CHRNE: variants seen among roughly 807,000 people sequenced by gnomAD.
CHRNE encodes the protein cholinergic receptor nicotinic epsilon subunit, also known as acetylcholine receptor subunit epsilon.
CHRNE carries 58 observed loss-of-function variants against 56.5 expected under a neutral mutation model. That is an observed-to-expected ratio of 1.03 (90% CI 0.83 to 1.28). The LOEUF (loss-of-function observed/expected upper bound fraction) is 1.28. CHRNE is among the 50% of genes most tolerant of loss of function. The probability of loss-of-function intolerance (pLI) is 0.00; values close to 1 mark genes in which losing one functional copy is unlikely to be tolerated. For synonymous variants in CHRNE, 385 were observed against 297.9 expected (o/e 1.29, Z -3.01); for missense variants, 793 against 688.9 (o/e 1.15, Z -1.69).
rs750474244 is a variant in CHRNE at position 4,902,982 on chromosome 17, TGTGTGTC to T, written c.46+29_46+35del. ...CCCAGTCCCTTCATGTCAGTATCTG[TGTGTGTC>T]CAATTGCCCCTCTAGCCCCTGTCCG... On this transcript the variant is annotated intron_variant, in intron 1 of 11. Coordinates refer to ENST00000649488, the MANE Select transcript of CHRNE (RefSeq NM_000080.4). The surrounding 1 kb of genome is among the most constrained non-coding windows in gnomAD (Gnocchi z 4.0). The T allele has an allele frequency of 5.6e-6, 9 of 1,613,566 alleles. No individual in the cohort carries two copies. Among genetic ancestry groups the T allele is most frequent in the Non-Finnish European group, 7.6e-6 (9 of 1,179,574 alleles).
rs1289012785 is a variant in CHRNE, at chr17:4,898,409, A to AGAT, written c.*324_*326dup. 3 of 423,552 alleles carry AGAT rather than the reference A, an allele frequency of 7.1e-6. No homozygotes were observed. Among genetic ancestry groups the AGAT allele is most frequent in the African/African-American group, 6.1e-5 (3 of 49,434 alleles). The allele number at this position is 423,552 out of a possible 1,614,324, so 26.2% of individuals were successfully genotyped here. On this transcript the variant is annotated 3_prime_UTR_variant, in exon 12 of 12. Transcript: ENST00000649488. ...GTTTGGCTATGAAATGAATATAGAT[A>AGAT]GATAGCTCACAAGCTGGCAGCCACC...
At chr17:4,907,622 T>A, upstream of CHRNE, among the ~76,000 whole-genome samples, 1 of 147,534 alleles carries the variant, frequency 6.8e-6, no homozygotes, top group East Asian at 2.0e-4. Flanking sequence ...TGTCCCCTGC[T>A]CTAAGTAGTT....
rs965764982 is a variant in CHRNE at position 4,899,672 on chromosome 17, G to A, written c.918-90C>T. On this transcript the variant is annotated intron_variant, in intron 8 of 11. Coordinates refer to ENST00000649488, the MANE Select transcript of CHRNE (RefSeq NM_000080.4). ...GACCTCACAAACACGGCTTCTCCTG[G>A]TACGGGCTGGTTACGCCCTCCAGCT... 6 of 1,441,984 alleles carry A rather than the reference G, an allele frequency of 4.2e-6. No individual in the cohort carries two copies. The African/African-American group carries it at 8.5e-5, about 20-fold the overall frequency. The allele number at this position is 1,441,984 out of a possible 1,614,324, so 89.3% of individuals were successfully genotyped here.
chr17:4,902,496 T>C lies in CHRNE; in HGVS notation c.190-2A>G. 2 of 1,614,212 alleles carry C rather than the reference T, an allele frequency of 1.2e-6. No individual in the cohort carries two copies. Among genetic ancestry groups the C allele is most frequent in the Non-Finnish European group, 8.5e-7 (1 of 1,180,044 alleles). ...GGTGAGAGTCTCCTCTTTTTCATTCTGCAGATGGGAGATGGGGATGATTGA... is the reference window on the plus strand; with the variant it reads ...GGTGAGAGTCTCCTCTTTTTCATTCCGCAGATGGGAGATGGGGATGATTGA... On this transcript the variant is annotated splice_acceptor_variant, in intron 2 of 11. Coordinates refer to ENST00000649488, the MANE Select transcript of CHRNE (RefSeq NM_000080.4). LOFTEE classifies it high-confidence loss of function. The surrounding 1 kb of genome is among the most constrained non-coding windows in gnomAD (Gnocchi z 4.0).
At chr17:4,903,831 C>T (rs566564024), upstream of CHRNE, among the ~76,000 whole-genome samples, 2 of 152,264 alleles carry the variant, frequency 1.3e-5, no homozygotes, top group African/African-American at 4.8e-5. Context: ...CCTGATGACA[C>T]CTTAATAGAT....
intron 8 of CHRNE, chr17:4,900,154 C>G (rs1468644160): frequency 6.5e-7 from 1 of 1,548,666 alleles, no homozygotes; most frequent in East Asian, 2.4e-5. Context: ...AGGTGGGGTA[C>G]TGGGGGGCTT....
At chr17:4,908,411 G>A (rs1171054969) in intron 1 of CHRNE, among the ~76,000 whole-genome samples, 1 of 152,090 alleles carries the variant, frequency 6.6e-6, no homozygotes, top group Non-Finnish European at 1.5e-5. Context: ...TTCCGGAAGG[G>A]GCTCTTGCCA....
rs753202734 is a variant in CHRNE at position 4,898,883 on chromosome 17, G to C, written c.1335C>G (p.Ser445=). The change falls in exon 12 of 12, where the codon TCC becomes TCG. Residue 445 remains serine, a synonymous_variant. Transcript: ENST00000649488. The part of the protein sequence containing the change: ...RDQEATGEEV[S]DWVRMGNALD... ...GGGCATTCCCCATGCGCACCCAGTC[G>C]GACACTTCCTGGGGAAGGGTCGGCA... is the stretch of plus-strand genomic sequence containing the variant. 3.8e-6 allele frequency: 6 copies of C among 1,579,784 alleles called. No homozygotes were observed. In the African/African-American group the frequency reaches 8.1e-5, roughly 21 times the overall value.
rs1969874236 is a variant in CHRNE, at chr17:4,899,451, G to GC, written c.1032+16dup. 2 of 1,567,870 alleles carry GC rather than the reference G, an allele frequency of 1.3e-6. No homozygotes were observed. Among genetic ancestry groups the GC allele is most frequent in the African/African-American group, 2.7e-5 (2 of 73,958 alleles). ...GCCCCACCCCGACCCGGGCTGCACCGCCCCCTCCGCGCTTACGTGGCGCAG... is the reference window on the plus strand; with the variant it reads ...GCCCCACCCCGACCCGGGCTGCACCGCCCCCCTCCGCGCTTACGTGGCGCAG... On this transcript the variant is annotated intron_variant, in intron 9 of 11. Transcript: ENST00000649488.
rs779261310 is a variant in CHRNE at position 4,898,994 on chromosome 17, G to A, written c.1326+7C>T. 5.7e-6 allele frequency: 9 copies of A among 1,586,326 alleles called. No individual in the cohort carries two copies. Among genetic ancestry groups the A allele is most frequent in the Admixed American group, 1.8e-5 (1 of 55,434 alleles). ...CTCGCTCCACCCGCCTCTGGCTCCTGTCCCACCTCGCCGGTGGCCTCCTGA... is the reference window on the plus strand; with the variant it reads ...CTCGCTCCACCCGCCTCTGGCTCCTATCCCACCTCGCCGGTGGCCTCCTGA... On this transcript the variant is annotated splice_region_variant and intron_variant, in intron 11 of 11. Coordinates refer to ENST00000649488, the MANE Select transcript of CHRNE (RefSeq NM_000080.4).
intron 8 of CHRNE, 55 bp downstream of exon 8, chr17:4,900,738 G>A: frequency 6.4e-7 from 1 of 1,550,944 alleles, no homozygotes; most frequent in South Asian, 1.2e-5. Context: ...TCTGGGTTTT[G>A]GCCACGCCCC....
chr17:4,900,356 G>A (rs1007252582), intron 8 of CHRNE: 1 of 1,548,270 alleles, frequency 6.5e-7, no homozygotes, highest in African/African-American at 1.4e-5. Flanking sequence ...CAGGGCAGGG[G>A]GTTCGGCAAG....
At position 4,898,331 on chromosome 17, in the gene CHRNE, A is replaced by G; in HGVS notation, c.*405T>C. The G allele has an allele frequency of 3.3e-6, 1 of 300,906 alleles. No individual in the cohort carries two copies. The highest frequency in any genetic ancestry group is 3.0e-5 in the South Asian group (1 of 33,034). The allele number at this position is 300,906 out of a possible 1,614,324, so 18.6% of individuals were successfully genotyped here. ...CAGCAGAGCCAGACCAGGGAAGAAG[A>G]GGGTTTCCTGGCTACAGCCTCCCTG... On this transcript the variant is annotated 3_prime_UTR_variant, in exon 12 of 12. Coordinates refer to ENST00000649488, the MANE Select transcript of CHRNE (RefSeq NM_000080.4).
Position 4,900,987 on chromosome 17 carries a change from T to C in CHRNE, c.802+3A>G, listed in dbSNP as rs745731778. ...TGGGGGTAGGTTCGGGGCCACTGCTTACCCTGCGCCGGCAGGAAGTAGGCG... is the reference window on the plus strand; with the variant it reads ...TGGGGGTAGGTTCGGGGCCACTGCTCACCCTGCGCCGGCAGGAAGTAGGCG... On this transcript the variant is annotated splice_donor_region_variant and intron_variant, in intron 7 of 11. Coordinates refer to ENST00000649488, the MANE Select transcript of CHRNE (RefSeq NM_000080.4). The C allele has an allele frequency of 4.3e-6, 7 of 1,613,730 alleles. No homozygotes were observed. The highest frequency in any genetic ancestry group is 5.1e-6 in the Non-Finnish European group (6 of 1,179,852).
In CHRNE at chr17:4,898,594, G is replaced by C; in HGVS notation, c.*142C>G. 2.6e-6 allele frequency: 3 copies of C among 1,175,554 alleles called. No individual in the cohort carries two copies. The highest frequency in any genetic ancestry group is 3.6e-6 in the Non-Finnish European group (3 of 826,752). The allele number at this position is 1,175,554 out of a possible 1,614,324, so 72.8% of individuals were successfully genotyped here. A position where few individuals can be genotyped will look rare whatever the true frequency, so the allele number is the denominator to read the frequency against. ...GCCAGGCCTACACACGCCAGGGAAC[G>C]GGCACACACCATTCTTGTGAAGTTC... On this transcript the variant is annotated 3_prime_UTR_variant, in exon 12 of 12. Coordinates refer to ENST00000649488, the MANE Select transcript of CHRNE (RefSeq NM_000080.4).
chr17:4,899,963 T>G (rs757017826), intron 8 of CHRNE: 1 of 1,551,278 alleles, frequency 6.4e-7, no homozygotes, highest in Admixed American at 2.0e-5. Context: ...GCTTCTGTCT[T>G]CCCTGGAACT....
Position 4,899,216 on chromosome 17 carries a change from G to T in CHRNE, c.1201C>A (p.Arg401=). ...SELVFEGQRH[R]QGTWTAAFCQ... is the part of the protein sequence containing the mutation. ...TGCTCACCCGTCCAGGTCCCCTGCC[G>T]GTGCCTCTGCCCCTCAAACACGAGC... The change falls in exon 10 of 12, where the codon CGG becomes AGG. Residue 401 remains arginine (R), a synonymous_variant. Coordinates refer to ENST00000649488, the MANE Select transcript of CHRNE (RefSeq NM_000080.4). 1.2e-6 allele frequency: 2 copies of T among 1,605,876 alleles called. No individual in the cohort carries two copies. The highest frequency in any genetic ancestry group is 2.7e-5 in the African/African-American group (2 of 74,898).
At chr17:4,900,711 G>A (rs1249366766) in intron 8 of CHRNE, 82 bp downstream of exon 8, 2 of 1,492,406 alleles carry the variant, frequency 1.3e-6, no homozygotes, top group African/African-American at 2.8e-5. Flanking sequence ...GAGACAGCCA[G>A]AGCTTTTCCC....
chr17:4,900,076 G>A, intron 8 of CHRNE: 10 of 1,551,070 alleles, frequency 6.4e-6, no homozygotes, highest in Non-Finnish European at 8.7e-6. Flanking sequence ...CTGCCCCGAA[G>A]CCCACCCTGG....
Sources: allele counts gnomAD v4.1 joint callset (sites outside exome capture counted in the v4.1 genomes callset), GRCh38; gene constraint gnomAD v4.1.1; non-coding constraint Gnocchi (gnomAD v3.1); transcripts MANE v1.5; gene names NCBI Gene and HGNC (gene_info 2026-07-23, HGNC 2026-07-21).